The following MYO5B variants were observed in gnomAD, a reference collection of about 807,000 sequenced individuals.
The protein encoded by MYO5B is myosin VB.
Under a neutral mutation model 229.3 loss-of-function variants are expected in MYO5B, and 143 were observed. That is an observed-to-expected ratio of 0.62 (90% CI 0.54 to 0.72). The LOEUF (loss-of-function observed/expected upper bound fraction) is 0.72. Among genes scored for constraint, MYO5B ranks in the 30% least tolerant of loss-of-function variants. MYO5B has a pLI of 0.00. For missense variants in MYO5B, 2,321 were observed against 2,331.0 expected, an observed-to-expected ratio of 1.00 and a Z score of 0.09; for synonymous variants, 918 against 885.2, an observed-to-expected ratio of 1.04 and a Z score of -0.66.
chr18:50,129,394 A>G (rs562240702), intron 1 of MYO5B, among the ~76,000 whole-genome samples: 1 of 152,296 alleles, frequency 6.6e-6, no homozygotes, highest in Admixed American at 6.5e-5. Context: ...AAAACACCAT[A>G]TATATTCCAT....
intron 1 of MYO5B, among the ~76,000 whole-genome samples, chr18:50,078,995 T>C (rs966227100): frequency 1.3e-5 from 2 of 152,206 alleles, no homozygotes; most frequent in African/African-American, 4.8e-5. Flanking sequence ...ACTAAACTAT[T>C]CCATTTGCAG....
intron 2 of MYO5B, among the ~76,000 whole-genome samples, chr18:50,044,027 C>A (rs1224653399): frequency 6.6e-6 from 1 of 151,986 alleles, no homozygotes; most frequent in Non-Finnish European, 1.5e-5. Flanking sequence ...CCCCAAAAAC[C>A]TATGGCAATA....
At chr18:50,090,463 G>T (rs2031424557) in intron 1 of MYO5B, among the ~76,000 whole-genome samples, 1 of 152,054 alleles carries the variant, frequency 6.6e-6, no homozygotes, top group African/African-American at 2.4e-5. Context: ...GACAGCCATA[G>T]AATATTAGGT....
At chr18:50,125,955 C>T (rs190020035) in intron 1 of MYO5B, among the ~76,000 whole-genome samples, 2 of 152,252 alleles carry the variant, frequency 1.3e-5, no homozygotes, top group East Asian at 1.9e-4. Context: ...AGAGGCAAAT[C>T]CATAGAGACA....
chr18:50,134,578 AAAT>A (rs2144276326), intron 1 of MYO5B, among the ~76,000 whole-genome samples: 2 of 151,414 alleles, frequency 1.3e-5, no homozygotes, highest in East Asian at 3.9e-4. Flanking sequence ...ATAAATAAAT[AAAT>A]AAATAAATAA....
At chr18:49,997,771 C>A (rs972546738) in intron 5 of MYO5B, among the ~76,000 whole-genome samples, 4 of 152,124 alleles carry the variant, frequency 2.6e-5, no homozygotes, top group African/African-American at 7.2e-5. Context: ...TTAGCATAGA[C>A]CACTGGGATT....
At chr18:49,844,358 G>C (rs1440515820) in intron 33 of MYO5B, among the ~76,000 whole-genome samples, 1 of 152,192 alleles carries the variant, frequency 6.6e-6, no homozygotes, top group Non-Finnish European at 1.5e-5. Context: ...TCTCACCATA[G>C]CTCTGCACTG....
At chr18:50,047,209 C>T (rs1213687162) in intron 2 of MYO5B, among the ~76,000 whole-genome samples, 1 of 152,204 alleles carries the variant, frequency 6.6e-6, no homozygotes, top group Non-Finnish European at 1.5e-5. Flanking sequence ...GGGCTAATAT[C>T]CAGAATCTAC....
Position 49,847,284 on chromosome 18 carries a change from G to C in MYO5B, c.4321C>G (p.Gln1441Glu). 1 of 1,613,326 alleles carries C rather than the reference G, an allele frequency of 6.2e-7. No individual in the cohort carries two copies. The highest frequency in any genetic ancestry group is 8.5e-7 in the Non-Finnish European group (1 of 1,179,984). Residue 1441 changes from glutamine (Q) to glutamate (E), a missense_variant, in exon 33 of 40, where the codon CAG (glutamine) becomes GAG (glutamate). Physicochemically the swap from Gln to Glu is conservative, Grantham distance 29. This residue lies in a region of MYO5B where 2,113 missense variants were observed against 2,044.7 expected (regional missense o/e 1.03). Transcript: ENST00000285039. ...TTCCTCTCACTCTGGGCCAATGCCT[G>C]GGCAGCTGAGCAGGAAAGAAAACAG... ...MKKAQDLEAA[Q>E]ALAQSERKRH... is the part of the protein sequence containing the mutation.
intron 1 of MYO5B, among the ~76,000 whole-genome samples, chr18:50,182,499 T>A (rs1458708396): frequency 6.6e-6 from 1 of 152,230 alleles, no homozygotes; most frequent in Non-Finnish European, 1.5e-5. Flanking sequence ...GGCAAAAATA[T>A]GTGCCCAAAA....
In MYO5B at chr18:49,978,746, A is replaced by ACACAC. The variant is rs2025782127; in HGVS notation, c.1056+1697_1056+1698insGTGTG. Among the ~76,000 whole-genome samples the ACACAC allele has an allele frequency of 6.5e-5, 8 of 122,376 alleles. No homozygotes were observed. In the East Asian group the frequency reaches 9.6e-4, roughly 15 times the overall value. 80.3% of individuals were successfully genotyped at this position (122,376 alleles called of 152,430 possible). ...ACACACACACACACACACACACACAAAATGCTCAGCCCCACAGAGGAGAGG... is the reference window on the plus strand; with the variant it reads ...ACACACACACACACACACACACACAACACACAATGCTCAGCCCCACAGAGGAGAGG... On this transcript the variant is annotated intron_variant, in intron 9 of 39. Transcript: ENST00000285039.
At chr18:50,004,931 GCCGCA>G (rs1277600053) in intron 4 of MYO5B, among the ~76,000 whole-genome samples, 1 of 152,124 alleles carries the variant, frequency 6.6e-6, no homozygotes, top group Non-Finnish European at 1.5e-5. Flanking sequence ...TTGAACCTCG[GCCGCA>G]CCACTGATTA....
At chr18:49,948,835 G>A (rs796208148) in intron 14 of MYO5B, among the ~76,000 whole-genome samples, 4 of 152,264 alleles carry the variant, frequency 2.6e-5, no homozygotes, top group African/African-American at 9.6e-5. Context: ...CTCCTGTGCT[G>A]TAATTTGGGT....
At chr18:50,112,530 C>G (rs1763948204) in intron 1 of MYO5B, among the ~76,000 whole-genome samples, 2 of 152,316 alleles carry the variant, frequency 1.3e-5, no homozygotes, top group Non-Finnish European at 2.9e-5. Flanking sequence ...CAGCTGAGCA[C>G]CACCAGCCCT....
intron 2 of MYO5B, among the ~76,000 whole-genome samples, chr18:50,045,764 A>G (rs1432201115): frequency 1.3e-5 from 2 of 152,234 alleles, no homozygotes; most frequent in Non-Finnish European, 2.9e-5. Context: ...TGACTGACAC[A>G]TTAGACAACT....
chr18:50,119,477 TAGA>T (rs1365047925), intron 1 of MYO5B, among the ~76,000 whole-genome samples: 3 of 152,194 alleles, frequency 2.0e-5, no homozygotes, highest in Non-Finnish European at 4.4e-5. Context: ...TCGTGGGCTG[TAGA>T]AGTTTTCTGT....
At chr18:50,162,981 G>C (rs1168432222) in intron 1 of MYO5B, among the ~76,000 whole-genome samples, 1 of 152,150 alleles carries the variant, frequency 6.6e-6, no homozygotes, top group Non-Finnish European at 1.5e-5. Flanking sequence ...TTTACAAACT[G>C]GTTGAGGCAG....
At chr18:50,116,264 T>C (rs757697797) in intron 1 of MYO5B, among the ~76,000 whole-genome samples, 11 of 152,150 alleles carry the variant, frequency 7.2e-5, no homozygotes, top group Admixed American at 6.5e-4. Flanking sequence ...CTCTGCAGTA[T>C]AGGCGGAGTA....
chr18:50,151,574 A>G (rs576468951), intron 1 of MYO5B, among the ~76,000 whole-genome samples: 1 of 152,358 alleles, frequency 6.6e-6, no homozygotes, highest in South Asian at 2.1e-4. Context: ...TAAGAGTTTC[A>G]TCACTTATAA....
Sources: gnomAD v4.1 joint callset for allele counts (sites outside exome capture counted in the v4.1 genomes callset) on GRCh38, gnomAD v4.1.1 for gene constraint, gnomAD v4.1.1 regional missense constraint, MANE v1.5 for transcripts, NCBI Gene and HGNC (gene_info 2026-07-23, HGNC 2026-07-21) for gene names.